FHL2: variants seen among roughly 807,000 people sequenced by gnomAD.
FHL2 encodes the protein four and a half LIM domains protein 2.
Under a neutral mutation model 32.7 loss-of-function variants are expected in FHL2, and 20 were observed. The ratio of observed to expected loss-of-function variants is 0.61; its 90% confidence interval spans 0.43 to 0.89. The LOEUF is 0.89. Ranked by LOEUF, FHL2 falls within the 40% of genes least tolerant of loss-of-function variation. FHL2 has a pLI of 0.00. For missense variants in FHL2, 311 were observed against 358.6 expected, an observed-to-expected ratio of 0.87 and a Z score of 1.07; for synonymous variants, 123 against 128.1, an observed-to-expected ratio of 0.96 and a Z score of 0.27.
Position 105,431,716 on chromosome 2 carries a change from A to G in FHL2, c.-25+6683T>C, listed in dbSNP as rs545737115. Among the ~76,000 whole-genome samples, 10 of 152,346 alleles carry G rather than the reference A, an allele frequency of 6.6e-5. No individual in the cohort carries two copies. In the South Asian group the frequency reaches 2.1e-3, roughly 32 times the overall value. On this transcript the variant is annotated intron_variant, in intron 1 of 5. Coordinates refer to the FHL2 transcript ENST00000393352. ...TGGAACGTTTGGGAAAAGGAGACAC[A>G]CTGTCTAATTTAAGTTACAAATATG...
intron 1 of FHL2, among the ~76,000 whole-genome samples, chr2:105,407,423 A>T (rs1683671149): frequency 6.6e-6 from 1 of 151,918 alleles, no homozygotes; most frequent in Non-Finnish European, 1.5e-5. Context: ...GAAGGAAAGA[A>T]AATGCCTAAG....
At chr2:105,424,748 A>T (rs1684206830) in intron 1 of FHL2, among the ~76,000 whole-genome samples, 1 of 152,050 alleles carries the variant, frequency 6.6e-6, no homozygotes, top group African/African-American at 2.4e-5. Flanking sequence ...AAGCTGGAAC[A>T]TTCTCAGCAA....
intron 5 of FHL2, among the ~76,000 whole-genome samples, chr2:105,367,174 C>T (rs1408392647): frequency 6.6e-6 from 1 of 152,222 alleles, no homozygotes; most frequent in Non-Finnish European, 1.5e-5. Flanking sequence ...CTCCCTTCCT[C>T]TCCTCCCTCT....
chr2:105,385,613 T>G (rs893333542), intron 3 of FHL2, among the ~76,000 whole-genome samples: 4 of 152,212 alleles, frequency 2.6e-5, no homozygotes, highest in African/African-American at 9.6e-5. Flanking sequence ...GGGGTTTCAC[T>G]GGAGTGTTTT....
chr2:105,399,183 C>A (rs1195890190), upstream of FHL2: 1 of 1,409,228 alleles, frequency 7.1e-7, no homozygotes, highest in Non-Finnish European at 9.1e-7. Context: ...TCGCGGTTGC[C>A]GTGCCCCCGC....
At chr2:105,398,451 G>T (rs1340996450) in intron 1 of FHL2, among the ~76,000 whole-genome samples, 1 of 152,220 alleles carries the variant, frequency 6.6e-6, no homozygotes. Context: ...CACCGTGCCA[G>T]GACAGCCCGC....
chr2:105,413,879 C>T (rs967672747), intron 1 of FHL2, among the ~76,000 whole-genome samples: 8 of 152,164 alleles, frequency 5.3e-5, no homozygotes, highest in East Asian at 3.9e-4. Context: ...ATTCTGCAAA[C>T]GATTCTCTAG....
At chr2:105,380,933 A>G (rs1293800876) in intron 3 of FHL2, among the ~76,000 whole-genome samples, 1 of 152,214 alleles carries the variant, frequency 6.6e-6, no homozygotes, top group African/African-American at 2.4e-5. Context: ...TTTCCATTGC[A>G]GAAACATTCC....
intron 2 of FHL2, among the ~76,000 whole-genome samples, chr2:105,390,531 A>G (rs1682648831): frequency 6.6e-6 from 1 of 152,196 alleles, no homozygotes; most frequent in South Asian, 2.1e-4. Context: ...AGAGGACACT[A>G]GAGTTCTACA....
intron 1 of FHL2, among the ~76,000 whole-genome samples, chr2:105,417,246 G>T (rs1017180422): frequency 5.9e-5 from 9 of 152,150 alleles, no homozygotes; most frequent in African/African-American, 2.2e-4. Context: ...GCTGGGCATG[G>T]TGGCACGTGC....
intron 2 of FHL2, among the ~76,000 whole-genome samples, chr2:105,388,282 T>C (rs1161718593): frequency 6.6e-6 from 1 of 152,122 alleles, no homozygotes; most frequent in Non-Finnish European, 1.5e-5. Context: ...ATAAGGGGTC[T>C]CCATGCCCGG....
At chr2:105,414,098 T>C (rs1265106384) in intron 1 of FHL2, among the ~76,000 whole-genome samples, 1 of 152,176 alleles carries the variant, frequency 6.6e-6, no homozygotes, top group Non-Finnish European at 1.5e-5. Context: ...ATTAATTTGG[T>C]AGAGCAGCTC....
upstream of FHL2, chr2:105,399,258 G>A: frequency 6.5e-7 from 1 of 1,535,624 alleles, no homozygotes; most frequent in Non-Finnish European, 8.7e-7. Flanking sequence ...CGTGCCCTCC[G>A]GGTCTTGGGA....
intron 2 of FHL2, among the ~76,000 whole-genome samples, chr2:105,395,857 A>C (rs1415381202): frequency 6.6e-6 from 1 of 152,186 alleles, no homozygotes; most frequent in African/African-American, 2.4e-5. Context: ...CAGGCTAGTA[A>C]AGGCGTGGGC....
At chr2:105,388,991 G>C (rs1682526566) in intron 2 of FHL2, among the ~76,000 whole-genome samples, 1 of 152,240 alleles carries the variant, frequency 6.6e-6, no homozygotes, top group Non-Finnish European at 1.5e-5. Context: ...CGCCTGGTTT[G>C]TGATTACAGT....
At chr2:105,362,768 C>G (rs1680366865) in intron 6 of FHL2, among the ~76,000 whole-genome samples, 1 of 152,182 alleles carries the variant, frequency 6.6e-6, no homozygotes, top group Middle Eastern at 3.2e-3. Context: ...GCCAGCCAGC[C>G]AGATTTTGGG....
In FHL2 at chr2:105,398,837, C is replaced by T; in HGVS notation, c.-76+5G>A. The T allele has an allele frequency of 6.9e-7, 1 of 1,441,708 alleles. No homozygotes were observed. Among genetic ancestry groups the T allele is most frequent in the South Asian group, 1.6e-5 (1 of 63,324 alleles). The allele number at this position is 1,441,708 out of a possible 1,614,324, so 89.3% of individuals were successfully genotyped here. A position where few individuals can be genotyped will look rare whatever the true frequency, so the allele number is the denominator to read the frequency against. On this transcript the variant is annotated splice_donor_5th_base_variant and intron_variant, in intron 1 of 6. Coordinates refer to ENST00000530340, the MANE Select transcript of FHL2 (RefSeq NM_001318895.3). ...CCCGGACCCACAGCTCTGCTCTCCT[C>T]TCACCAGTCTCCCCAACTCCGGCTC...
chr2:105,399,705 C>G (rs1340559306), upstream of FHL2: 1 of 1,358,166 alleles, frequency 7.4e-7, no homozygotes, highest in Non-Finnish European at 9.8e-7. Flanking sequence ...AAGCCCGGGC[C>G]CTCTGCGTGA....
chr2:105,437,059 C>T (rs952503509), intron 1 of FHL2, among the ~76,000 whole-genome samples: 1 of 152,084 alleles, frequency 6.6e-6, no homozygotes, highest in African/African-American at 2.4e-5. Context: ...ACTCTGGAAG[C>T]CCTGAATAGA....
Sources: allele counts gnomAD v4.1 joint callset (sites outside exome capture counted in the v4.1 genomes callset), GRCh38; gene constraint gnomAD v4.1.1; transcripts MANE v1.5; gene names NCBI Gene and HGNC (gene_info 2026-07-23, HGNC 2026-07-21).